SEC24D: variants seen among roughly 807,000 people sequenced by gnomAD.
The protein encoded by SEC24D is protein transport protein Sec24D.
A neutral mutation model predicts 116.9 loss-of-function variants in SEC24D; 69 were observed. That is an observed-to-expected ratio of 0.59 (90% CI 0.49 to 0.72). The LOEUF is 0.72. Ranked by LOEUF, SEC24D falls within the 30% of genes least tolerant of loss-of-function variation. The probability of loss-of-function intolerance (pLI) is 0.00; values close to 1 mark genes in which losing one functional copy is unlikely to be tolerated. For missense variants in SEC24D, 1,131 were observed against 1,264.1 expected (o/e 0.89, Z 1.60); for synonymous variants, 405 against 442.8 (o/e 0.91, Z 1.07).
chr4:118,804,885 T>TACACACAGACACAC (rs1729603345), intron 7 of SEC24D, among the ~76,000 whole-genome samples: 1 of 140,910 alleles, frequency 7.1e-6, no homozygotes, highest in South Asian at 2.4e-4. Context: ...TATGCATGCA[T>TACACACAGACACAC]ACACACACAC....
chr4:118,746,351 T>C (rs1003013985), intron 13 of SEC24D, among the ~76,000 whole-genome samples: 1 of 151,950 alleles, frequency 6.6e-6, no homozygotes, highest in African/African-American at 2.4e-5. Context: ...GCTACCGACA[T>C]TTATTGCATG....
chr4:118,747,263 CTTTT>C (rs200688068), intron 13 of SEC24D, among the ~76,000 whole-genome samples: 3 of 128,220 alleles, frequency 2.3e-5, no homozygotes, highest in South Asian at 2.5e-4. Context: ...ATTTCTGTAG[CTTTT>C]TTTTTTTTTT....
intron 14 of SEC24D, 140 bp from the exon 15 acceptor site, chr4:118,744,298 G>A: frequency 1.2e-6 from 1 of 845,662 alleles, no homozygotes; most frequent in Non-Finnish European, 1.8e-6. Flanking sequence ...CTGGGCTGAA[G>A]AAACACACTG....
intron 20 of SEC24D, among the ~76,000 whole-genome samples, chr4:118,732,199 A>G (rs1280704363): frequency 3.3e-5 from 5 of 152,080 alleles, no homozygotes; most frequent in African/African-American, 1.2e-4. Context: ...TGGAGGCACT[A>G]TCTCGGCTCA....
At chr4:118,750,659 G>A (rs917560134) in intron 13 of SEC24D, among the ~76,000 whole-genome samples, 1 of 152,126 alleles carries the variant, frequency 6.6e-6, no homozygotes, top group East Asian at 1.9e-4. Context: ...CTTATTGGAG[G>A]AGAGAAGAAC....
rs7680298 is a variant in SEC24D, at chr4:118,772,253, T to C, written c.1042-3942A>G. Among the ~76,000 whole-genome samples the C allele has an allele frequency of 9.2e-3, 1,396 of 152,312 alleles. 15 individuals are homozygous for C. Among genetic ancestry groups the C allele is most frequent in the African/African-American group, 0.032 (1,348 of 41,566 alleles). On this transcript the variant is annotated intron_variant, in intron 8 of 22. Transcript: ENST00000280551. Reference sequence around the variant, plus strand: ...TAAATACCAAAGTGTTTTTATCACATAGATCCAATAGGTGGCACTATGCAA... The same window carrying C: ...TAAATACCAAAGTGTTTTTATCACACAGATCCAATAGGTGGCACTATGCAA...
At position 118,824,671 on chromosome 4, in the gene SEC24D, G is replaced by T; in HGVS notation, c.197C>A (p.Pro66His). 6.2e-7 allele frequency: 1 copy of T among 1,608,756 alleles called. No homozygotes were observed. The highest frequency in any genetic ancestry group is 8.5e-7 in the Non-Finnish European group (1 of 1,177,978). Residue 66 changes from proline to histidine, a missense_variant, in exon 3 of 23, where the codon CCC (proline) becomes CAC (histidine). Transcript: ENST00000280551. ...MLPPGPPPPGPHQFGQNGAHA... is the reference protein window; with the variant it reads ...MLPPGPPPPGHHQFGQNGAHA... ...AGCTCCATTCTGACCAAACTGATGG[G>T]GTCCAGGAGGTGGGGGACCCGGAGG...
intron 2 of SEC24D, among the ~76,000 whole-genome samples, chr4:118,830,579 T>A (rs1408248956): frequency 2.0e-5 from 3 of 152,074 alleles, no homozygotes; most frequent in Non-Finnish European, 4.4e-5. Flanking sequence ...AGTGTATACA[T>A]ATTTCAAAAC....
In SEC24D at chr4:118,743,993, A is replaced by C; in HGVS notation, c.1990T>G (p.Phe664Val). The stretch of plus-strand genomic sequence containing the variant: ...AACAAATTGCTGGCATTTACCTGGA[A>C]ATTGTTGTATTTGTAAAGGGTTCCT... ...TGGTLYKYNN[F>V]QMHLDRQQFL... Residue 664 changes from phenylalanine to valine, a missense_variant, in exon 15 of 23, where the codon TTC becomes GTC. Physicochemically the swap from Phe to Val is conservative, Grantham distance 50. Coordinates refer to ENST00000280551, the MANE Select transcript of SEC24D (RefSeq NM_014822.4). 1 of 1,595,506 alleles carries C rather than the reference A, an allele frequency of 6.3e-7. No individual in the cohort carries two copies. Among genetic ancestry groups the C allele is most frequent in the Non-Finnish European group, 8.5e-7 (1 of 1,173,254 alleles).
At chr4:118,807,691 C>A (rs1374727791) in intron 6 of SEC24D, among the ~76,000 whole-genome samples, 1 of 152,226 alleles carries the variant, frequency 6.6e-6, no homozygotes, top group Admixed American at 6.5e-5. Flanking sequence ...ATTCCATCCA[C>A]TCCAGCCCCC....
At chr4:118,764,667 T>G (rs1727550781) in intron 10 of SEC24D, 135 bp downstream of exon 10, 1 of 558,218 alleles carries the variant, frequency 1.8e-6, no homozygotes, top group African/African-American at 1.9e-5. Flanking sequence ...GATCTGTGTC[T>G]TAGGCATTTC....
At chr4:118,817,513 T>G (rs887279663) in intron 3 of SEC24D, 101 bp from the exon 4 acceptor site, 3 of 985,992 alleles carry the variant, frequency 3.0e-6, no homozygotes, top group Non-Finnish European at 4.3e-6. Flanking sequence ...GCCTGTCTAG[T>G]AGGCCTAGGA....
intron 8 of SEC24D, among the ~76,000 whole-genome samples, chr4:118,774,446 T>C (rs1728045512): frequency 6.6e-6 from 1 of 152,178 alleles, no homozygotes; most frequent in Non-Finnish European, 1.5e-5. Context: ...CTCAATTTGA[T>C]ATTGAGGGGC....
intron 13 of SEC24D, among the ~76,000 whole-genome samples, chr4:118,748,425 CTTTTA>C (rs1247637148): frequency 6.6e-5 from 10 of 152,162 alleles, no homozygotes; most frequent in African/African-American, 2.4e-4. Context: ...ATTATATAGT[CTTTTA>C]TAAGTAGCAA....
At chr4:118,782,886 C>T (rs1728484483) in intron 8 of SEC24D, among the ~76,000 whole-genome samples, 1 of 152,156 alleles carries the variant, frequency 6.6e-6, no homozygotes, top group African/African-American at 2.4e-5. Context: ...AGCAAGACTC[C>T]TTGGGTGTGG....
At chr4:118,736,113 C>T (rs902880434) in intron 19 of SEC24D, 1 of 134,178 alleles carries the variant, frequency 7.5e-6, no homozygotes, top group Non-Finnish European at 1.5e-5. Flanking sequence ...TCAAGCTATT[C>T]TCCTGCCTCA....
At chr4:118,747,890 A>G (rs1487087058) in intron 13 of SEC24D, among the ~76,000 whole-genome samples, 1 of 152,234 alleles carries the variant, frequency 6.6e-6, no homozygotes, top group Non-Finnish European at 1.5e-5. Flanking sequence ...ACATTAAACT[A>G]CACAAAATAT....
intron 7 of SEC24D, among the ~76,000 whole-genome samples, chr4:118,801,676 G>A (rs560346445): frequency 6.6e-6 from 1 of 152,162 alleles, no homozygotes; most frequent in East Asian, 1.9e-4. Context: ...ATTGAAGCTG[G>A]ATATTTGTTA....
At chr4:118,757,950 A>C (rs1727191152) in intron 10 of SEC24D, 105 bp from the exon 11 acceptor site, 1 of 868,054 alleles carries the variant, frequency 1.2e-6, no homozygotes, top group Admixed American at 2.7e-5. Flanking sequence ...TTCATTTAAT[A>C]TTTAGGATAT....
Sources: gnomAD v4.1 joint callset for allele counts (sites outside exome capture counted in the v4.1 genomes callset) on GRCh38, gnomAD v4.1.1 for gene constraint, MANE v1.5 for transcripts, NCBI Gene and HGNC (gene_info 2026-07-23, HGNC 2026-07-21) for gene names.